Variants in ERG observed in about 807,000 individuals in gnomAD.
ERG encodes transcriptional regulator ERG.
ERG carries 9 observed loss-of-function variants against 55.3 expected under a neutral mutation model. The ratio of observed to expected loss-of-function variants is 0.16; its 90% confidence interval spans 0.10 to 0.28. ERG has a LOEUF of 0.28. Among genes scored for constraint, ERG ranks in the 10% least tolerant of loss-of-function variants. The probability of loss-of-function intolerance (pLI) is 1.00; values close to 1 mark genes in which losing one functional copy is unlikely to be tolerated. For synonymous variants in ERG, 223 were observed against 237.3 expected (o/e 0.94, Z 0.55); for missense variants, 434 against 631.6 (o/e 0.69, Z 3.35).
At chr21:38,389,849 T>TA (rs1247257403) in intron 9 of ERG, among the ~76,000 whole-genome samples, 2 of 152,034 alleles carry the variant, frequency 1.3e-5, no homozygotes, top group Admixed American at 1.3e-4. Flanking sequence ...TTCAGCTGTG[T>TA]AAAAAAAATT....
upstream of ERG, among the ~76,000 whole-genome samples, chr21:38,585,532 CT>C (rs760791568): frequency 1.7e-3 from 101 of 59,272 alleles, 3 homozygotes; most frequent in Non-Finnish European, 2.0e-3. Context: ...TCTCTCTCTT[CT>C]TTTTTTTTTT....
At chr21:38,369,923 G>A in the ERG span, among the ~76,000 whole-genome samples, 1 of 152,068 alleles carries the variant, frequency 6.6e-6, no homozygotes, top group South Asian at 2.1e-4. Context: ...AAGATCAGAT[G>A]GTTGTAAGTG....
At chr21:38,559,072 AC>A (rs1314725424) in intron 2 of ERG, among the ~76,000 whole-genome samples, 1 of 152,142 alleles carries the variant, frequency 6.6e-6, no homozygotes, top group Admixed American at 6.6e-5. Context: ...GTCTGTGAGT[AC>A]CCCACAATGA....
At chr21:38,482,264 G>T (rs1601109193) in intron 1 of ERG, among the ~76,000 whole-genome samples, 2 of 152,278 alleles carry the variant, frequency 1.3e-5, no homozygotes, top group East Asian at 3.9e-4. Flanking sequence ...ATACGACAAG[G>T]TGCCCAATAT....
At chr21:38,400,223 G>T in intron 6 of ERG, 1 of 444,826 alleles carries the variant, frequency 2.2e-6, no homozygotes, top group Non-Finnish European at 4.3e-6. Context: ...TGTGAATCTG[G>T]GGAGTGTCCT....
At chr21:38,581,357 T>C (rs1238667470) in intron 1 of ERG, among the ~76,000 whole-genome samples, 1 of 152,222 alleles carries the variant, frequency 6.6e-6, no homozygotes, top group Non-Finnish European at 1.5e-5. Flanking sequence ...ATTTGCACAA[T>C]GAGGATAATA....
intron 2 of ERG, among the ~76,000 whole-genome samples, chr21:38,503,992 G>A (rs2059441206): frequency 6.6e-6 from 1 of 152,202 alleles, no homozygotes; most frequent in Non-Finnish European, 1.5e-5. Flanking sequence ...ACAACTATGT[G>A]AGTATGTGTG....
intron 1 of ERG, among the ~76,000 whole-genome samples, chr21:38,596,989 G>A (rs1443517127): frequency 6.6e-6 from 1 of 152,198 alleles, no homozygotes; most frequent in Non-Finnish European, 1.5e-5. Flanking sequence ...TAGGTAATCT[G>A]AGCAGACACC....
At chr21:38,477,431 C>T (rs796249882) in intron 1 of ERG, among the ~76,000 whole-genome samples, 10 of 151,906 alleles carry the variant, frequency 6.6e-5, no homozygotes, top group African/African-American at 2.2e-4. Flanking sequence ...TTTTAATCTC[C>T]GAGAAGTTAT....
At chr21:38,593,343 C>T (rs920816662) in intron 1 of ERG, among the ~76,000 whole-genome samples, 1 of 152,210 alleles carries the variant, frequency 6.6e-6, no homozygotes, top group Non-Finnish European at 1.5e-5. Flanking sequence ...AACACATTTA[C>T]CAGGGATTTT....
At chr21:38,553,887 AC>A (rs1484129965) in intron 2 of ERG, among the ~76,000 whole-genome samples, 2 of 43,202 alleles carry the variant, frequency 4.6e-5, no homozygotes. Flanking sequence ...AATAGAGTAT[AC>A]AGACAATGTA....
At chr21:38,518,282 A>G (rs1398887132) in intron 2 of ERG, among the ~76,000 whole-genome samples, 1 of 151,160 alleles carries the variant, frequency 6.6e-6, no homozygotes, top group Admixed American at 6.6e-5. Context: ...CTATCTATCT[A>G]TCTATCTATT....
chr21:38,410,517 C>A (rs1477833985), intron 3 of ERG, among the ~76,000 whole-genome samples: 1 of 152,148 alleles, frequency 6.6e-6, no homozygotes, highest in Non-Finnish European at 1.5e-5. Flanking sequence ...AACCATTACA[C>A]ACAGAGTTCT....
chr21:38,579,101 C>T (rs1375527991), intron 1 of ERG, among the ~76,000 whole-genome samples: 3 of 152,138 alleles, frequency 2.0e-5, no homozygotes, highest in Admixed American at 2.0e-4. Context: ...ATTCCCAGAG[C>T]CCTTCCCAGG....
intron 2 of ERG, among the ~76,000 whole-genome samples, chr21:38,546,775 T>C (rs2059790697): frequency 6.6e-6 from 1 of 152,218 alleles, no homozygotes; most frequent in Non-Finnish European, 1.5e-5. Flanking sequence ...CAGAAGCAAT[T>C]ACACATCTTC....
intron 2 of ERG, among the ~76,000 whole-genome samples, chr21:38,536,034 T>A (rs1336695513): frequency 3.3e-5 from 5 of 152,164 alleles, no homozygotes; most frequent in Non-Finnish European, 7.4e-5. Context: ...GGTTATTACA[T>A]CTGACGGCAA....
At chr21:38,469,111 C>A in intron 1 of ERG, among the ~76,000 whole-genome samples, 1 of 151,272 alleles carries the variant, frequency 6.6e-6, no homozygotes, top group Non-Finnish European at 1.5e-5. Context: ...ACTGGGGGTC[C>A]CCTTATCTAT....
chr21:38,640,673 C>T (rs760364507), intron 1 of ERG, among the ~76,000 whole-genome samples: 33 of 152,306 alleles, frequency 2.2e-4, no homozygotes, highest in East Asian at 5.8e-4. Flanking sequence ...TCCCCAGCCA[C>T]GTGGAACTGT....
In ERG at chr21:38,383,467, C is replaced by A. The variant is rs1271765651; in HGVS notation, c.1376G>T (p.Gly459Val). Reference sequence around the variant, plus strand: ...GGGGAGCCTAGTGTTGGGGTATATACCCCCAGTTGGTGAATTCCAGTATGG... The same window carrying A: ...GGGGAGCCTAGTGTTGGGGTATATAACCCCAGTTGGTGAATTCCAGTATGG... Reference protein sequence around the residue: ...PNPYWNSPTGGIYPNTRLPTS... With the variant: ...PNPYWNSPTGVIYPNTRLPTS... Residue 459 changes from glycine (G) to valine (V), a missense_variant, in exon 10 of 10, where the codon GGT becomes GTT. Coordinates refer to ENST00000288319, the MANE Select transcript of ERG (RefSeq NM_182918.4). The surrounding 1 kb of genome is among the most constrained non-coding windows in gnomAD (Gnocchi z 5.7). The A allele has an allele frequency of 2.0e-6, 3 of 1,533,620 alleles. No individual in the cohort carries two copies. The highest frequency in any genetic ancestry group is 2.0e-5 in the Admixed American group (1 of 49,444).
Sources: gnomAD v4.1 joint callset for allele counts (sites outside exome capture counted in the v4.1 genomes callset) on GRCh38, gnomAD v4.1.1 for gene constraint, Gnocchi (gnomAD v3.1) non-coding constraint, MANE v1.5 for transcripts, NCBI Gene and HGNC (gene_info 2026-07-23, HGNC 2026-07-21) for gene names.